Variants in SLC14A2 observed in about 807,000 individuals in gnomAD.
SLC14A2 encodes solute carrier family 14 member 2.
In SLC14A2, 91 loss-of-function variants were observed where a neutral mutation model predicts 104.6. That is an observed-to-expected ratio of 0.87 (90% CI 0.73 to 1.04). SLC14A2 has a LOEUF of 1.04. SLC14A2 is among the 50% of genes least tolerant of loss of function. The pLI is 0.00. For missense variants in SLC14A2, 1,189 were observed against 1,156.0 expected (o/e 1.03, Z -0.41); for synonymous variants, 476 against 466.4 (o/e 1.02, Z -0.27).
At chr18:45,437,730 G>A (rs1353289038) in intron 1 of SLC14A2, among the ~76,000 whole-genome samples, 2 of 152,112 alleles carry the variant, frequency 1.3e-5, no homozygotes, top group Admixed American at 6.5e-5. Context: ...TCACTATGTC[G>A]GACGCTGTGC....
intron 1 of SLC14A2, among the ~76,000 whole-genome samples, chr18:45,282,039 G>A (rs1490337478): frequency 1.3e-5 from 2 of 152,104 alleles, no homozygotes; most frequent in Non-Finnish European, 2.9e-5. Context: ...TCTGTGCCTG[G>A]AATGCTGAGT....
intron 1 of SLC14A2, among the ~76,000 whole-genome samples, chr18:45,323,073 G>A (rs564282493): frequency 6.6e-6 from 1 of 152,302 alleles, no homozygotes; most frequent in Non-Finnish European, 1.5e-5. Flanking sequence ...TAGTGGTCTT[G>A]AGGTGTGTGA....
At chr18:45,172,360 G>A in the SLC14A2 span, among the ~76,000 whole-genome samples, 5 of 151,924 alleles carry the variant, frequency 3.3e-5, no homozygotes, top group Non-Finnish European at 7.4e-5. Context: ...TACTGAAGAG[G>A]CTAAAATGGA....
At chr18:45,464,442 G>A (rs937106402) in intron 1 of SLC14A2, among the ~76,000 whole-genome samples, 6 of 152,086 alleles carry the variant, frequency 3.9e-5, no homozygotes, top group South Asian at 2.1e-4. Context: ...GGTACCTAGC[G>A]TACTGTCAAC....
intron 1 of SLC14A2, among the ~76,000 whole-genome samples, chr18:45,389,095 A>G (rs1180936893): frequency 6.6e-6 from 1 of 152,218 alleles, no homozygotes; most frequent in Non-Finnish European, 1.5e-5. Context: ...CATAAAATGT[A>G]TGACACCTGT....
At chr18:45,451,237 T>C (rs191653808) in intron 1 of SLC14A2, among the ~76,000 whole-genome samples, 1 of 152,018 alleles carries the variant, frequency 6.6e-6, no homozygotes, top group African/African-American at 2.4e-5. Context: ...CAGTTGAAAA[T>C]AGGCAGGGCC....
chr18:45,475,634 AT>A (rs1441670764), intron 1 of SLC14A2, among the ~76,000 whole-genome samples: 1 of 46,260 alleles, frequency 2.2e-5, no homozygotes, highest in African/African-American at 7.0e-5. Flanking sequence ...ATATATATAT[AT>A]ATTTAGGATA....
intron 1 of SLC14A2, among the ~76,000 whole-genome samples, chr18:45,265,970 T>C (rs1231247391): frequency 6.6e-6 from 1 of 152,104 alleles, no homozygotes; most frequent in Non-Finnish European, 1.5e-5. Context: ...CAGTAGTTAA[T>C]TAAAGTATAT....
intron 1 of SLC14A2, among the ~76,000 whole-genome samples, chr18:45,380,308 G>C (rs1296718710): frequency 1.3e-5 from 2 of 152,146 alleles, no homozygotes; most frequent in Non-Finnish European, 2.9e-5. Flanking sequence ...GAAAATATCT[G>C]TAGTCGACCC....
chr18:45,353,393 G>A (rs574873401), intron 1 of SLC14A2, among the ~76,000 whole-genome samples: 1 of 152,350 alleles, frequency 6.6e-6, no homozygotes, highest in African/African-American at 2.4e-5. Flanking sequence ...GGGAACCAGA[G>A]ATTTCCATAA....
chr18:45,345,483 C>T (rs1474878426), intron 1 of SLC14A2, among the ~76,000 whole-genome samples: 4 of 152,112 alleles, frequency 2.6e-5, no homozygotes, highest in African/African-American at 9.7e-5. Context: ...AGCTTCCCTA[C>T]AAAGGCACGG....
chr18:45,225,465 G>A (rs2084105859), intron 1 of SLC14A2, among the ~76,000 whole-genome samples: 1 of 152,124 alleles, frequency 6.6e-6, no homozygotes, highest in Non-Finnish European at 1.5e-5. Flanking sequence ...GGATTGTCTT[G>A]GCAATGTGGG....
chr18:45,647,586 GTCTT>G (rs2045645484), intron 10 of SLC14A2: 1 of 152,120 alleles, frequency 6.6e-6, no homozygotes, highest in South Asian at 2.1e-4. Flanking sequence ...TTCATTTTAG[GTCTT>G]TCTAACAACA....
intron 2 of SLC14A2, among the ~76,000 whole-genome samples, chr18:45,518,760 C>A: frequency 6.6e-6 from 1 of 152,094 alleles, no homozygotes; most frequent in East Asian, 1.9e-4. Context: ...TTTTCTAATT[C>A]TTTTCTTAGA....
intron 2 of SLC14A2, among the ~76,000 whole-genome samples, chr18:45,604,067 G>A (rs2044828803): frequency 2.6e-5 from 4 of 152,206 alleles, no homozygotes; most frequent in African/African-American, 9.7e-5. Context: ...ACAGGAATAA[G>A]CTGATTATTT....
At chr18:45,228,637 A>G (rs950370545) in intron 1 of SLC14A2, among the ~76,000 whole-genome samples, 3 of 152,142 alleles carry the variant, frequency 2.0e-5, no homozygotes, top group African/African-American at 7.2e-5. Context: ...GTGGAAAGAC[A>G]TCCTTCACTA....
intron 1 of SLC14A2, among the ~76,000 whole-genome samples, chr18:45,401,826 C>A (rs898158671): frequency 7.9e-5 from 12 of 152,076 alleles, no homozygotes; most frequent in African/African-American, 2.9e-4. Flanking sequence ...TCCCTAAGAC[C>A]ACTGGTGATA....
At chr18:45,273,560 G>A (rs563913941) in intron 1 of SLC14A2, among the ~76,000 whole-genome samples, 1 of 152,190 alleles carries the variant, frequency 6.6e-6, no homozygotes, top group African/African-American at 2.4e-5. Context: ...CTCTAGACTT[G>A]ACTTTTTTCT....
intron 2 of SLC14A2, among the ~76,000 whole-genome samples, chr18:45,591,818 C>G (rs557150604): frequency 3.9e-5 from 6 of 152,180 alleles, no homozygotes; most frequent in Non-Finnish European, 7.3e-5. Flanking sequence ...CTGGGAGAGC[C>G]AAAGACATTT....
Sources: allele counts gnomAD v4.1 joint callset (sites outside exome capture counted in the v4.1 genomes callset), GRCh38; gene constraint gnomAD v4.1.1; transcripts MANE v1.5; gene names NCBI Gene and HGNC (gene_info 2026-07-23, HGNC 2026-07-21).